Variants in PHACTR1 observed in about 807,000 individuals in gnomAD.
PHACTR1 encodes phosphatase and actin regulator 1, also known as RPEL repeat containing 1.
In PHACTR1, 16 loss-of-function variants were observed where a neutral mutation model predicts 69.2. The observed-to-expected ratio is 0.23, with a 90% CI of 0.16 to 0.35. The LOEUF (loss-of-function observed/expected upper bound fraction) is 0.35. PHACTR1 is among the 10% of genes least tolerant of loss of function. The probability of loss-of-function intolerance (pLI) is 1.00; values close to 1 mark genes in which losing one functional copy is unlikely to be tolerated. For synonymous variants in PHACTR1, 312 were observed against 284.5 expected, an observed-to-expected ratio of 1.10 and a Z score of -0.97; for missense variants, 510 against 734.7, an observed-to-expected ratio of 0.69 and a Z score of 3.54.
chr6:13,228,131 G>C, intron 9 of PHACTR1, 68 bp downstream of exon 9: 1 of 1,528,880 alleles, frequency 6.5e-7, no homozygotes, highest in South Asian at 1.2e-5. Flanking sequence ...GCAGAGAGTG[G>C]ACCCAGCAGC....
intron 5 of PHACTR1, among the ~76,000 whole-genome samples, chr6:13,057,745 A>G (rs927753350): frequency 4.6e-5 from 7 of 152,202 alleles, no homozygotes; most frequent in Admixed American, 3.9e-4. Flanking sequence ...TATGATTTCA[A>G]CGTTTCCCTC....
chr6:13,067,316 A>G (rs746169107), intron 5 of PHACTR1, among the ~76,000 whole-genome samples: 2 of 152,204 alleles, frequency 1.3e-5, no homozygotes, highest in Non-Finnish European at 2.9e-5. Context: ...TGGAATTTGA[A>G]CTTAGCCTGC....
chr6:13,277,700 C>A (rs1054450254), intron 11 of PHACTR1, among the ~76,000 whole-genome samples: 2 of 152,204 alleles, frequency 1.3e-5, no homozygotes, highest in Non-Finnish European at 2.9e-5. Context: ...GTAATCCCAG[C>A]ACTTTGAGAG....
At chr6:12,804,377 AAT>A (rs1276409977) in intron 4 of PHACTR1, among the ~76,000 whole-genome samples, 1 of 152,168 alleles carries the variant, frequency 6.6e-6, no homozygotes, top group Non-Finnish European at 1.5e-5. Flanking sequence ...TCTTACTTGG[AAT>A]GGCCCAGCGG....
chr6:12,821,858 A>T (rs1173395123), intron 4 of PHACTR1, among the ~76,000 whole-genome samples: 1 of 152,238 alleles, frequency 6.6e-6, no homozygotes, highest in Admixed American at 6.5e-5. Context: ...ACTGGTCCAG[A>T]TTCCGCCCAG....
At chr6:12,800,397 C>T (rs1465533489) in intron 4 of PHACTR1, among the ~76,000 whole-genome samples, 1 of 152,150 alleles carries the variant, frequency 6.6e-6, no homozygotes, top group African/African-American at 2.4e-5. Context: ...TTTATTTTTT[C>T]AGTATTTTCT....
intron 3 of PHACTR1, among the ~76,000 whole-genome samples, chr6:12,738,428 C>A (rs973671653): frequency 1.3e-5 from 2 of 152,122 alleles, no homozygotes; most frequent in African/African-American, 4.8e-5. Flanking sequence ...AATATCCCAC[C>A]CATCATTAAA....
chr6:12,847,975 T>A (rs966175155), intron 4 of PHACTR1, among the ~76,000 whole-genome samples: 7 of 152,226 alleles, frequency 4.6e-5, no homozygotes, highest in African/African-American at 1.7e-4. Flanking sequence ...AACTTTGATA[T>A]ATCTCACCAT....
At chr6:13,067,160 T>C (rs1431793721) in intron 5 of PHACTR1, among the ~76,000 whole-genome samples, 1 of 152,368 alleles carries the variant, frequency 6.6e-6, no homozygotes, top group South Asian at 2.1e-4. Flanking sequence ...CATATTACTA[T>C]GTCGTATGAA....
intron 5 of PHACTR1, among the ~76,000 whole-genome samples, chr6:13,159,719 A>T (rs529176697): frequency 3.0e-4 from 45 of 152,348 alleles, no homozygotes; most frequent in African/African-American, 1.1e-3. Flanking sequence ...AGGCAAGTGG[A>T]TCACGAGGTC....
intron 4 of PHACTR1, among the ~76,000 whole-genome samples, chr6:12,845,355 A>G (rs1779099315): frequency 6.9e-6 from 1 of 143,898 alleles, no homozygotes; most frequent in Admixed American, 7.3e-5. Context: ...TTCAGTCTCC[A>G]CTGCCAGGTG....
At chr6:12,861,007 A>G (rs1206245604) in intron 4 of PHACTR1, among the ~76,000 whole-genome samples, 3 of 152,236 alleles carry the variant, frequency 2.0e-5, no homozygotes, top group Non-Finnish European at 4.4e-5. Flanking sequence ...CATGTGGTCC[A>G]TAGACAGTGC....
chr6:12,732,936 C>T (rs1166635712), intron 3 of PHACTR1, among the ~76,000 whole-genome samples: 2 of 152,196 alleles, frequency 1.3e-5, no homozygotes, highest in Non-Finnish European at 2.9e-5. Context: ...ATTTACTAGA[C>T]AGAGTCTCTG....
intron 8 of PHACTR1, among the ~76,000 whole-genome samples, chr6:13,226,083 G>A (rs1002612675): frequency 6.6e-6 from 1 of 152,178 alleles, no homozygotes; most frequent in Non-Finnish European, 1.5e-5. Context: ...CCACTAATGT[G>A]ATAAACCACT....
At chr6:13,036,572 T>C (rs1489122902) in intron 4 of PHACTR1, among the ~76,000 whole-genome samples, 2 of 152,208 alleles carry the variant, frequency 1.3e-5, no homozygotes, top group Admixed American at 6.5e-5. Flanking sequence ...GACAAACTCA[T>C]GTGAAAAGCC....
Position 13,155,359 on chromosome 6 carries a change from C to T in PHACTR1, c.416-4845C>T, listed in dbSNP as rs986279974. ...ATCCACTATCTCATCTCACTGCTGCCCAAGACCCAGCCCTGGCTTCTGTTT... is the reference window on the plus strand; with the variant it reads ...ATCCACTATCTCATCTCACTGCTGCTCAAGACCCAGCCCTGGCTTCTGTTT... On this transcript the variant is annotated intron_variant, in intron 5 of 14. Coordinates refer to ENST00000332995, the MANE Select transcript of PHACTR1 (RefSeq NM_030948.6). Among the ~76,000 whole-genome samples the T allele has an allele frequency of 3.3e-5, 5 of 152,258 alleles. No homozygotes were observed. In the East Asian group the frequency reaches 7.7e-4, roughly 24 times the overall value.
chr6:13,073,342 T>TTTTTTC (rs1809856535), intron 5 of PHACTR1, among the ~76,000 whole-genome samples: 1 of 115,386 alleles, frequency 8.7e-6, no homozygotes, highest in Non-Finnish European at 1.8e-5. Flanking sequence ...TTTTTTTTTT[T>TTTTTTC]TTTTTTTTTT....
rs771131683 is a variant in PHACTR1 at position 12,777,238 on chromosome 6, TATA to T, written c.250+27449_250+27451del. On this transcript the variant is annotated intron_variant, in intron 4 of 14. Transcript: ENST00000332995. ...CTACGGTTTTATATATATATATATATATATTTTTTTAATTTTTATTTTAGGTTC... is the reference window on the plus strand; with the variant it reads ...CTACGGTTTTATATATATATATATATTTTTTTTAATTTTTATTTTAGGTTC... Among the ~76,000 whole-genome samples, 25 of 133,312 alleles carry T rather than the reference TATA, an allele frequency of 1.9e-4. 1 individual carries two copies. The highest frequency in any genetic ancestry group is 4.5e-4 in the Admixed American group (6 of 13,298). The allele number at this position is 133,312 out of a possible 152,430, so 87.5% of individuals were successfully genotyped here.
At chr6:12,921,831 A>AGGGG (rs1787749360) in intron 4 of PHACTR1, among the ~76,000 whole-genome samples, 1 of 3,488 alleles carries the variant, frequency 2.9e-4, no homozygotes. Context: ...GGAAGGAAGG[A>AGGGG]AGGGAGGGAG....
Sources: allele counts gnomAD v4.1 joint callset (sites outside exome capture counted in the v4.1 genomes callset), GRCh38; gene constraint gnomAD v4.1.1; transcripts MANE v1.5; gene names NCBI Gene and HGNC (gene_info 2026-07-23, HGNC 2026-07-21).